GLIS3: variants seen among roughly 807,000 people sequenced by gnomAD.
GLIS3 encodes zinc finger protein GLIS3.
Under a neutral mutation model 78.6 loss-of-function variants are expected in GLIS3, and 53 were observed. The ratio of observed to expected loss-of-function variants is 0.67; its 90% CI spans 0.54 to 0.85. The LOEUF is 0.85. GLIS3 is among the 40% of genes least tolerant of loss of function. The pLI is 0.00. For synonymous variants in GLIS3, 684 were observed against 509.9 expected, an observed-to-expected ratio of 1.34 and a Z score of -4.60; for missense variants, 1,703 against 1,231.1, an observed-to-expected ratio of 1.38 and a Z score of -5.74.
At chr9:4,186,336 T>C (rs1469535317) in intron 2 of GLIS3, among the ~76,000 whole-genome samples, 1 of 152,076 alleles carries the variant, frequency 6.6e-6, no homozygotes, top group Non-Finnish European at 1.5e-5. Context: ...ACTCATCCTT[T>C]TTTATGGCTG....
At chr9:4,370,106 C>T in the GLIS3 span, among the ~76,000 whole-genome samples, 14 of 139,788 alleles carry the variant, frequency 1.0e-4, no homozygotes, top group Non-Finnish European at 1.4e-4. Flanking sequence ...GCAGGAGAAT[C>T]ACTTGAACCC....
At chr9:4,262,201 G>A (rs966321583) in intron 2 of GLIS3, among the ~76,000 whole-genome samples, 1 of 152,082 alleles carries the variant, frequency 6.6e-6, no homozygotes, top group Non-Finnish European at 1.5e-5. Context: ...AAAACTCTCC[G>A]GCTACCTCCT....
At chr9:4,142,444 G>C (rs976355240) in intron 2 of GLIS3, among the ~76,000 whole-genome samples, 2 of 152,180 alleles carry the variant, frequency 1.3e-5, no homozygotes, top group Non-Finnish European at 2.9e-5. Flanking sequence ...CAATTAAGTA[G>C]AGGCCTTAGC....
the GLIS3 span, among the ~76,000 whole-genome samples, chr9:4,446,345 C>G: frequency 6.6e-6 from 1 of 152,128 alleles, no homozygotes; most frequent in Non-Finnish European, 1.5e-5. Flanking sequence ...AAGTAGGAAG[C>G]TATGCCTTCA....
chr9:4,167,167 A>G (rs1011291051), intron 2 of GLIS3, among the ~76,000 whole-genome samples: 11 of 152,238 alleles, frequency 7.2e-5, no homozygotes, highest in Non-Finnish European at 1.5e-4. Flanking sequence ...AGGATAAGGG[A>G]GTTGCCCAAG....
At chr9:4,407,427 C>G in the GLIS3 span, among the ~76,000 whole-genome samples, 3 of 152,186 alleles carry the variant, frequency 2.0e-5, no homozygotes, top group Non-Finnish European at 4.4e-5. Context: ...AGGTGGATCA[C>G]GAGGTCAGGA....
chr9:4,453,974 T>C, the GLIS3 span, among the ~76,000 whole-genome samples: 1 of 152,034 alleles, frequency 6.6e-6, no homozygotes, highest in Non-Finnish European at 1.5e-5. Context: ...TGTGCACATG[T>C]ACCCTAGAAC....
intron 7 of GLIS3, among the ~76,000 whole-genome samples, chr9:3,892,890 CAG>C (rs1822555630): frequency 6.6e-6 from 1 of 152,172 alleles, no homozygotes; most frequent in Admixed American, 6.5e-5. Context: ...AGGTACACCT[CAG>C]AGTATAATAG....
chr9:4,378,878 G>A, the GLIS3 span, among the ~76,000 whole-genome samples: 403 of 152,288 alleles, frequency 2.6e-3, 2 homozygotes, highest in African/African-American at 9.3e-3. Flanking sequence ...CCTGGAGACT[G>A]ATTCTTCCTC....
At chr9:3,893,730 G>A (rs1822612631) in intron 7 of GLIS3, among the ~76,000 whole-genome samples, 2 of 152,200 alleles carry the variant, frequency 1.3e-5, no homozygotes, top group South Asian at 2.1e-4. Flanking sequence ...GCACCTGGTG[G>A]TGTCACCTGG....
chr9:3,895,476 T>TAAAC (rs903296095), intron 7 of GLIS3, among the ~76,000 whole-genome samples: 1 of 152,202 alleles, frequency 6.6e-6, no homozygotes, highest in African/African-American at 2.4e-5. Flanking sequence ...AGTAGACAAG[T>TAAAC]AAACACCTTA....
At chr9:4,177,488 G>A (rs750266154) in intron 2 of GLIS3, among the ~76,000 whole-genome samples, 7 of 152,146 alleles carry the variant, frequency 4.6e-5, no homozygotes, top group Non-Finnish European at 1.0e-4. Context: ...ACAGGTGAAG[G>A]TGCTGGAGCT....
intron 3 of GLIS3, among the ~76,000 whole-genome samples, chr9:4,121,338 ATTC>A: frequency 6.6e-6 from 1 of 152,368 alleles, no homozygotes; most frequent in South Asian, 2.1e-4. Flanking sequence ...TGGGTGTTAT[ATTC>A]TTCAATAAAT....
At chr9:4,184,211 G>A (rs551247076) in intron 2 of GLIS3, among the ~76,000 whole-genome samples, 1 of 152,260 alleles carries the variant, frequency 6.6e-6, no homozygotes, top group East Asian at 1.9e-4. Flanking sequence ...GCAATGTGGA[G>A]GGCATGGCTT....
chr9:4,239,365 C>G (rs563405994), intron 2 of GLIS3, among the ~76,000 whole-genome samples: 1 of 150,846 alleles, frequency 6.6e-6, no homozygotes, highest in Non-Finnish European at 1.5e-5. Flanking sequence ...TAGACGTTCA[C>G]GACTTTTTTT....
upstream of GLIS3, among the ~76,000 whole-genome samples, chr9:4,304,178 G>A (rs7849880): frequency 0.83 from 126,812 of 152,248 alleles, 53,834 homozygotes; most frequent in South Asian, 0.94. Context: ...AATCATTTCA[G>A]TGTTCCAAAA....
intron 2 of GLIS3, among the ~76,000 whole-genome samples, chr9:4,157,038 C>A (rs554692162): frequency 1.3e-5 from 2 of 152,318 alleles, no homozygotes; most frequent in South Asian, 2.1e-4. Flanking sequence ...CTGTCACAGT[C>A]CCTGTAACGC....
At chr9:4,328,966 A>G (rs1268796973) in intron 2 of GLIS3, among the ~76,000 whole-genome samples, 1 of 152,220 alleles carries the variant, frequency 6.6e-6, no homozygotes, top group South Asian at 2.1e-4. Context: ...CAGCAACCAC[A>G]GCTCTTGAGG....
intron 9 of GLIS3, among the ~76,000 whole-genome samples, chr9:3,854,232 T>C (rs984415719): frequency 1.3e-5 from 2 of 152,228 alleles, no homozygotes; most frequent in African/African-American, 4.8e-5. Flanking sequence ...GTCTTTTGCA[T>C]GCCTTGATGC....
Sources: gnomAD v4.1 joint callset for allele counts (sites outside exome capture counted in the v4.1 genomes callset) on GRCh38, gnomAD v4.1.1 for gene constraint, MANE v1.5 for transcripts, NCBI Gene and HGNC (gene_info 2026-07-23, HGNC 2026-07-21) for gene names.